The following TSHZ2 variants were observed in gnomAD, a reference collection of about 807,000 sequenced individuals.
TSHZ2 encodes the protein teashirt homolog 2.
In TSHZ2, 21 loss-of-function variants were observed where a neutral mutation model predicts 74.4. That is an observed-to-expected ratio of 0.28 (90% CI 0.20 to 0.41). TSHZ2 has a LOEUF of 0.41. Among genes scored for constraint, TSHZ2 ranks in the 10% least tolerant of loss-of-function variants. TSHZ2 has a pLI of 1.00. For synonymous variants in TSHZ2, 540 were observed against 515.3 expected, an observed-to-expected ratio of 1.05 and a Z score of -0.65; for missense variants, 1,244 against 1,293.5, an observed-to-expected ratio of 0.96 and a Z score of 0.59.
intron 2 of TSHZ2, among the ~76,000 whole-genome samples, chr20:53,337,676 A>G (rs953799103): frequency 1.3e-5 from 2 of 152,236 alleles, no homozygotes; most frequent in Non-Finnish European, 2.9e-5. Flanking sequence ...GATTCTTGTT[A>G]ATCATTACCA....
intron 1 of TSHZ2, 64 bp downstream of exon 1, chr20:52,973,397 C>CCCCTGGGTG (rs1981204025): frequency 1.8e-5 from 28 of 1,540,974 alleles, no homozygotes; most frequent in Non-Finnish European, 2.4e-5. Flanking sequence ...GCCCTCCTTG[C>CCCCTGGGTG]CCCTGGGTGC....
At chr20:53,368,403 G>A (rs1376579078) in intron 2 of TSHZ2, among the ~76,000 whole-genome samples, 1 of 152,070 alleles carries the variant, frequency 6.6e-6, no homozygotes, top group Non-Finnish European at 1.5e-5. Context: ...TCTGCCTCCT[G>A]GACTCAAGCG....
At chr20:53,403,089 T>C (rs564027954) in intron 2 of TSHZ2, among the ~76,000 whole-genome samples, 3 of 152,330 alleles carry the variant, frequency 2.0e-5, no homozygotes, top group East Asian at 1.9e-4. Flanking sequence ...TCCCAGTGTC[T>C]GTCATTCCCA....
intron 1 of TSHZ2, among the ~76,000 whole-genome samples, chr20:53,100,667 A>G (rs1205690774): frequency 1.3e-5 from 2 of 152,140 alleles, no homozygotes; most frequent in Non-Finnish European, 2.9e-5. Flanking sequence ...AAGCCCATCA[A>G]ACCTTTTTGC....
chr20:53,361,574 G>A (rs563099382), intron 2 of TSHZ2, among the ~76,000 whole-genome samples: 8 of 152,222 alleles, frequency 5.3e-5, no homozygotes, highest in South Asian at 2.1e-4. Context: ...CACTCTTGAG[G>A]CCTTCCTTCC....
At chr20:53,459,206 G>T (rs1385139754) in intron 2 of TSHZ2, among the ~76,000 whole-genome samples, 1 of 152,260 alleles carries the variant, frequency 6.6e-6, no homozygotes, top group South Asian at 2.1e-4. Context: ...CTCTTTGTAG[G>T]TCACTCAGGA....
intron 1 of TSHZ2, among the ~76,000 whole-genome samples, chr20:53,017,355 CTTT>C (rs1362216435): frequency 6.6e-6 from 1 of 152,188 alleles, no homozygotes; most frequent in Non-Finnish European, 1.5e-5. Flanking sequence ...TCCTCTCTGT[CTTT>C]CTCCCTGAGG....
chr20:53,439,759 C>G (rs1221532708), intron 2 of TSHZ2, among the ~76,000 whole-genome samples: 1 of 152,128 alleles, frequency 6.6e-6, no homozygotes, highest in Admixed American at 6.5e-5. Flanking sequence ...TTCCACCCCC[C>G]TTGTTTTCAA....
intron 2 of TSHZ2, among the ~76,000 whole-genome samples, chr20:53,345,276 G>A (rs1980391469): frequency 6.6e-6 from 1 of 152,046 alleles, no homozygotes; most frequent in Non-Finnish European, 1.5e-5. Context: ...AGGGAACTAG[G>A]CACAGAAAAT....
chr20:53,128,893 T>C (rs1025536608), intron 1 of TSHZ2, among the ~76,000 whole-genome samples: 28 of 152,290 alleles, frequency 1.8e-4, no homozygotes, highest in African/African-American at 6.7e-4. Flanking sequence ...GTGCTGGGAT[T>C]ACAGGCATAA....
At chr20:53,124,073 T>C (rs1288249941) in intron 1 of TSHZ2, among the ~76,000 whole-genome samples, 1 of 152,218 alleles carries the variant, frequency 6.6e-6, no homozygotes, top group Non-Finnish European at 1.5e-5. Flanking sequence ...TCTGTTGACA[T>C]AGCTTAGGGA....
intron 2 of TSHZ2, among the ~76,000 whole-genome samples, chr20:53,323,147 G>C (rs541763755): frequency 7.9e-5 from 12 of 152,262 alleles, no homozygotes; most frequent in Non-Finnish European, 1.2e-4. Flanking sequence ...ATTCTTTCCA[G>C]CTCTAAAATG....
intron 1 of TSHZ2, among the ~76,000 whole-genome samples, chr20:53,138,105 G>A (rs868793684): frequency 2.6e-5 from 4 of 152,116 alleles, no homozygotes; most frequent in South Asian, 2.1e-4. Flanking sequence ...ATCAGTGGCC[G>A]GGCGCAGTGG....
chr20:53,322,252 C>T (rs1409967476), intron 2 of TSHZ2, among the ~76,000 whole-genome samples: 1 of 152,190 alleles, frequency 6.6e-6, no homozygotes, highest in Admixed American at 6.5e-5. Context: ...GAGCCAGGCA[C>T]CTGTAATCCT....
intron 2 of TSHZ2, among the ~76,000 whole-genome samples, chr20:53,478,802 C>T (rs1262209371): frequency 6.6e-6 from 1 of 151,998 alleles, no homozygotes; most frequent in Admixed American, 6.6e-5. Context: ...TTCCTTTTAC[C>T]ATCCTGAAAT....
chr20:53,416,759 A>G (rs1322382285), intron 2 of TSHZ2, among the ~76,000 whole-genome samples: 5 of 152,242 alleles, frequency 3.3e-5, no homozygotes, highest in Admixed American at 1.3e-4. Flanking sequence ...AATGCAAATC[A>G]TAACAACAGG....
intron 2 of TSHZ2, among the ~76,000 whole-genome samples, chr20:53,375,007 T>C (rs746995192): frequency 6.6e-6 from 1 of 152,138 alleles, no homozygotes; most frequent in Non-Finnish European, 1.5e-5. Flanking sequence ...GGCATATTTT[T>C]AAAATCTATT....
At chr20:53,385,168 G>A (rs192515071) in intron 2 of TSHZ2, among the ~76,000 whole-genome samples, 6 of 152,116 alleles carry the variant, frequency 3.9e-5, no homozygotes, top group African/African-American at 1.2e-4. Context: ...ACATAAAGGA[G>A]TCAACCCAGA....
In TSHZ2 at chr20:53,253,737, G is replaced by A. The variant is rs200568023; in HGVS notation, c.279G>A (p.Ser93=). 122 of 1,614,152 alleles carry A rather than the reference G, an allele frequency of 7.6e-5. No individual in the cohort carries two copies. Among genetic ancestry groups the A allele is most frequent in the African/African-American group, 6.9e-4 (52 of 75,032 alleles). The change falls in exon 2 of 3, where the codon TCG becomes TCA. Residue 93 remains serine, a synonymous_variant. Transcript: ENST00000371497. ...TGAGTGACGCCAGTGATCAGGTGTC[G>A]GACATCAAGAGTGTCTGCGGCAGAG... ...SLLSDASDQV[S]DIKSVCGRDA...
Sources: gnomAD v4.1 joint callset for allele counts (sites outside exome capture counted in the v4.1 genomes callset) on GRCh38, gnomAD v4.1.1 for gene constraint, MANE v1.5 for transcripts, NCBI Gene and HGNC (gene_info 2026-07-23, HGNC 2026-07-21) for gene names.